Variants in CPA6 observed in about 807,000 individuals in gnomAD.
CPA6 encodes carboxypeptidase A6.
Under a neutral mutation model 63.3 loss-of-function variants are expected in CPA6, and 58 were observed. The ratio of observed to expected loss-of-function variants is 0.92; its 90% CI spans 0.74 to 1.14. The LOEUF is 1.14. Ranked by LOEUF, CPA6 falls within the 50% of genes most tolerant of loss-of-function variation. The pLI is 0.00. For missense variants in CPA6, 565 were observed against 526.6 expected (o/e 1.07, Z -0.71); for synonymous variants, 185 against 179.0 (o/e 1.03, Z -0.27).
At chr8:67,490,900 T>C (rs1267569966) in intron 6 of CPA6, among the ~76,000 whole-genome samples, 1 of 152,166 alleles carries the variant, frequency 6.6e-6, no homozygotes, top group Non-Finnish European at 1.5e-5. Context: ...GATCACTTTT[T>C]TGAGGATTGG....
intron 1 of CPA6, among the ~76,000 whole-genome samples, chr8:67,726,480 TG>T (rs1817598699): frequency 6.6e-6 from 1 of 152,112 alleles, no homozygotes; most frequent in Non-Finnish European, 1.5e-5. Context: ...TGCAAGAAAC[TG>T]CTGGCAAATA....
intron 10 of CPA6, among the ~76,000 whole-genome samples, chr8:67,426,179 G>A (rs536879292): frequency 7.2e-5 from 11 of 152,244 alleles, no homozygotes; most frequent in South Asian, 4.2e-4. Context: ...ATGTTGGCCC[G>A]GCTGGTCTAG....
intron 8 of CPA6, among the ~76,000 whole-genome samples, chr8:67,473,636 A>C (rs781384677): frequency 6.6e-6 from 1 of 152,006 alleles, no homozygotes; most frequent in Non-Finnish European, 1.5e-5. Context: ...ACAAGGTCTC[A>C]CTCTGTCACC....
At chr8:67,728,625 A>C (rs901630614) in intron 1 of CPA6, among the ~76,000 whole-genome samples, 4 of 152,240 alleles carry the variant, frequency 2.6e-5, no homozygotes, top group African/African-American at 9.6e-5. Context: ...GCTTTTTAGA[A>C]ATGAAACTGT....
chr8:67,726,432 C>T (rs541966626), intron 1 of CPA6, among the ~76,000 whole-genome samples: 9 of 152,246 alleles, frequency 5.9e-5, no homozygotes, highest in African/African-American at 1.9e-4. Context: ...GAGGTTCTAA[C>T]GATGGCTATT....
chr8:67,617,177 A>T, intron 2 of CPA6, among the ~76,000 whole-genome samples: 1 of 152,242 alleles, frequency 6.6e-6, no homozygotes, highest in East Asian at 1.9e-4. Flanking sequence ...TCACTGGGGT[A>T]GATCGTCATC....
intron 1 of CPA6, among the ~76,000 whole-genome samples, chr8:67,633,789 A>G (rs1815400663): frequency 1.3e-5 from 2 of 151,960 alleles, no homozygotes; most frequent in African/African-American, 4.8e-5. Context: ...TTACAAACAT[A>G]CTTTGAGACA....
intron 2 of CPA6, among the ~76,000 whole-genome samples, chr8:67,590,575 T>C (rs1359462599): frequency 2.0e-5 from 3 of 152,150 alleles, no homozygotes; most frequent in East Asian, 1.9e-4. Context: ...TTTTAATGAT[T>C]GCCATTCTAA....
At chr8:67,467,745 G>A (rs1810959583) in intron 8 of CPA6, among the ~76,000 whole-genome samples, 1 of 152,084 alleles carries the variant, frequency 6.6e-6, no homozygotes, top group African/African-American at 2.4e-5. Context: ...GCTTATGCCT[G>A]TAATACCAGG....
chr8:67,487,922 C>T (rs142582700), intron 6 of CPA6, among the ~76,000 whole-genome samples: 86 of 152,166 alleles, frequency 5.7e-4, no homozygotes, highest in African/African-American at 1.9e-3. Context: ...TCTTGTAAAT[C>T]TGTTTAAGTT....
chr8:67,636,152 G>C (rs78444647), intron 1 of CPA6, among the ~76,000 whole-genome samples: 2 of 151,422 alleles, frequency 1.3e-5, no homozygotes, highest in East Asian at 3.9e-4. Flanking sequence ...TAAAGGGGGT[G>C]GAAGGATTCT....
chr8:67,681,519 T>C (rs1046166920), intron 1 of CPA6, among the ~76,000 whole-genome samples: 1 of 152,218 alleles, frequency 6.6e-6, no homozygotes, highest in Non-Finnish European at 1.5e-5. Context: ...AAAGATTTTC[T>C]TTAATGTTGT....
At chr8:67,613,459 G>A (rs998039471) in intron 2 of CPA6, among the ~76,000 whole-genome samples, 1 of 152,106 alleles carries the variant, frequency 6.6e-6, no homozygotes, top group Non-Finnish European at 1.5e-5. Flanking sequence ...CTTCTCTCAG[G>A]GAGTTCTCAA....
At chr8:67,640,886 T>C (rs1815576409) in intron 1 of CPA6, among the ~76,000 whole-genome samples, 1 of 151,678 alleles carries the variant, frequency 6.6e-6, no homozygotes, top group Admixed American at 6.6e-5. Context: ...CTGTGAATTC[T>C]GGCTGTGCCT....
intron 1 of CPA6, among the ~76,000 whole-genome samples, chr8:67,714,678 T>A (rs980279714): frequency 6.6e-6 from 1 of 152,036 alleles, no homozygotes; most frequent in Non-Finnish European, 1.5e-5. Context: ...AGTGAGTAAA[T>A]AGATAAATAA....
intron 1 of CPA6, among the ~76,000 whole-genome samples, chr8:67,641,252 A>G (rs939690025): frequency 6.6e-6 from 1 of 151,782 alleles, no homozygotes; most frequent in Non-Finnish European, 1.5e-5. Flanking sequence ...TGTTTGAAAA[A>G]CAGGTTGGAT....
chr8:67,635,350 A>G (rs1815444126), intron 1 of CPA6, among the ~76,000 whole-genome samples: 1 of 151,746 alleles, frequency 6.6e-6, no homozygotes, highest in African/African-American at 2.4e-5. Flanking sequence ...ATCTCTGATC[A>G]GTGCCTTAAT....
intron 2 of CPA6, among the ~76,000 whole-genome samples, chr8:67,610,676 A>G (rs1814782030): frequency 6.6e-6 from 1 of 152,212 alleles, no homozygotes. Flanking sequence ...GCGAAGTTCC[A>G]GCTTCCCCAT....
intron 3 of CPA6, among the ~76,000 whole-genome samples, chr8:67,514,233 C>T (rs915290812): frequency 3.3e-5 from 5 of 152,150 alleles, no homozygotes; most frequent in African/African-American, 1.2e-4. Context: ...GCTGGGATTA[C>T]AGGTGTGAGC....
Sources: allele counts gnomAD v4.1 joint callset (sites outside exome capture counted in the v4.1 genomes callset), GRCh38; gene constraint gnomAD v4.1.1; transcripts MANE v1.5; gene names NCBI Gene and HGNC (gene_info 2026-07-23, HGNC 2026-07-21).